Variants in IQSEC1 observed in about 807,000 individuals in gnomAD.
IQSEC1 encodes the protein IQ motif and SEC7 domain-containing protein 1.
In IQSEC1, 31 loss-of-function variants were observed where a neutral mutation model predicts 91.0. The observed-to-expected ratio is 0.34, with a 90% CI of 0.26 to 0.46. IQSEC1 has a LOEUF of 0.46. IQSEC1 is among the 20% of genes least tolerant of loss of function. IQSEC1 has a pLI of 1.00. For missense variants in IQSEC1, 1,388 were observed against 1,575.6 expected, an observed-to-expected ratio of 0.88 and a Z score of 2.02; for synonymous variants, 699 against 662.6, an observed-to-expected ratio of 1.05 and a Z score of -0.84.
In IQSEC1 at chr3:13,015,329, C is replaced by T. The variant is rs1160883538; in HGVS notation, c.23+57663G>A. Among the ~76,000 whole-genome samples the T allele has an allele frequency of 4.6e-5, 7 of 152,302 alleles. No individual in the cohort carries two copies. In the East Asian group the frequency reaches 1.4e-3, roughly 29 times the overall value. On this transcript the variant is annotated intron_variant, in intron 1 of 13. Coordinates refer to ENST00000613206, the MANE Select transcript of IQSEC1 (RefSeq NM_001134382.3). ...TGGGGCCTGGGGCTGGTCTAACGCGCAGGGGAGCTAAAGAACTTCCCCTTG... is the reference window on the plus strand; with the variant it reads ...TGGGGCCTGGGGCTGGTCTAACGCGTAGGGGAGCTAAAGAACTTCCCCTTG...
At chr3:13,274,516 G>A (rs1695643120) in intron 1 of IQSEC1, among the ~76,000 whole-genome samples, 1 of 152,260 alleles carries the variant, frequency 6.6e-6, no homozygotes, top group South Asian at 2.1e-4. Context: ...GCAGAGCAAA[G>A]GACAGCTAAA....
At chr3:13,235,919 G>C (rs767489818) in intron 1 of IQSEC1, among the ~76,000 whole-genome samples, 4 of 152,176 alleles carry the variant, frequency 2.6e-5, no homozygotes, top group African/African-American at 4.8e-5. Flanking sequence ...CGCTGCGGCA[G>C]ACAGATTGGG....
chr3:12,952,061 T>A (rs1043081771), intron 1 of IQSEC1, among the ~76,000 whole-genome samples: 1 of 152,072 alleles, frequency 6.6e-6, no homozygotes, highest in Admixed American at 6.5e-5. Flanking sequence ...AGGAGCACCA[T>A]ATCTAAAACG....
chr3:12,974,155 C>T (rs4684892), intron 1 of IQSEC1, among the ~76,000 whole-genome samples: 60,152 of 152,010 alleles, frequency 0.4, 12,803 homozygotes, highest in Non-Finnish European at 0.47. Context: ...AGCACGGGTA[C>T]AGGTGGCTCT....
At position 13,232,641 on chromosome 3, in the gene IQSEC1, C is replaced by T. The variant is rs143042745; in HGVS notation, c.272+50070G>A. Among the ~76,000 whole-genome samples, 173 of 151,968 alleles carry T rather than the reference C, an allele frequency of 1.1e-3. 1 individual carries two copies. The highest frequency in any genetic ancestry group is 1.9e-3 in the Non-Finnish European group (130 of 67,988). Reference sequence around the variant, plus strand: ...CACGAAAGTGAGCTGGAGTCAGGGGCGCAGGAGACAGAGCCACAGCCTCAT... The same window carrying T: ...CACGAAAGTGAGCTGGAGTCAGGGGTGCAGGAGACAGAGCCACAGCCTCAT... On this transcript the variant is annotated intron_variant, in intron 1 of 15. Coordinates refer to the IQSEC1 transcript ENST00000648114.
chr3:13,278,640 G>A (rs1440861846), intron 1 of IQSEC1, among the ~76,000 whole-genome samples: 1 of 152,194 alleles, frequency 6.6e-6, no homozygotes, highest in African/African-American at 2.4e-5. Context: ...CCAACATGGT[G>A]AAACCCCGTC....
chr3:12,932,561 C>T (rs375633898), intron 3 of IQSEC1, among the ~76,000 whole-genome samples: 3 of 152,170 alleles, frequency 2.0e-5, no homozygotes, highest in Admixed American at 2.0e-4. Flanking sequence ...GACTGCTTGG[C>T]CCATCACAAT....
rs116493367 is a variant in IQSEC1, at chr3:12,931,479, T to G, written c.1568+3969A>C. On this transcript the variant is annotated intron_variant, in intron 3 of 13. Transcript: ENST00000613206. ...TGGCTGTGGCGAATCAGTGAGACAA[T>G]AGGCGGAAGGTGTTCGGCATGGGGC... 3.5e-3 allele frequency among the ~76,000 whole-genome samples: 532 copies of G among 152,246 alleles called. 4 individuals carry two copies. The highest frequency in any genetic ancestry group is 0.012 in the African/African-American group (507 of 41,522).
rs76303766 is a variant in IQSEC1 at position 13,047,582 on chromosome 3, G to A, written c.23+25410C>T. On this transcript the variant is annotated intron_variant, in intron 1 of 13. Transcript: ENST00000613206. ...GTCCCACACACACAGCAAACCCCTTGGGGGCCATGTCCACTCAGGCCCCAG... is the reference window on the plus strand; with the variant it reads ...GTCCCACACACACAGCAAACCCCTTAGGGGCCATGTCCACTCAGGCCCCAG... 1.7e-3 allele frequency: 1,566 copies of A among 901,416 alleles called. 15 individuals are homozygous for A. In the African/African-American group the frequency reaches 0.024, roughly 14 times the overall value. 55.8% of individuals were successfully genotyped at this position (901,416 alleles called of 1,614,324 possible). A position where few individuals can be genotyped will look rare whatever the true frequency, so the allele number is the denominator to read the frequency against.
intron 2 of IQSEC1, among the ~76,000 whole-genome samples, chr3:13,087,034 T>C (rs780921911): frequency 2.6e-5 from 4 of 152,268 alleles, no homozygotes; most frequent in African/African-American, 9.6e-5. Context: ...CACTCCCTCA[T>C]TCACCCCCAG....
chr3:13,211,645 C>T lies in IQSEC1; in HGVS notation c.273-47512G>A, dbSNP rs1385130304. On this transcript the variant is annotated intron_variant, in intron 1 of 15. Coordinates refer to the IQSEC1 transcript ENST00000648114. This position sits in a 1 kb window ranked among gnomAD's most constrained non-coding sequence, Gnocchi z 5.3. ...AAAGTCTGATCCCCTCAGCCTATCC[C>T]TGAAGGCCAGGCCAGGACCCACGAA... 6.6e-6 allele frequency among the ~76,000 whole-genome samples: 1 copy of T among 152,192 alleles called. No homozygotes were observed.
chr3:13,135,920 G>C (rs1401627100), intron 2 of IQSEC1, among the ~76,000 whole-genome samples: 1 of 152,206 alleles, frequency 6.6e-6, no homozygotes, highest in Non-Finnish European at 1.5e-5. Context: ...TCGTGGACAT[G>C]AGAGGAGAAG....
intron 1 of IQSEC1, among the ~76,000 whole-genome samples, chr3:13,280,808 G>A (rs1351279678): frequency 6.6e-6 from 1 of 152,246 alleles, no homozygotes; most frequent in Non-Finnish European, 1.5e-5. Flanking sequence ...GCTGAGGACT[G>A]TGCTGCCACT....
intron 1 of IQSEC1, among the ~76,000 whole-genome samples, chr3:12,984,675 C>G (rs1267002622): frequency 2.0e-5 from 3 of 152,218 alleles, no homozygotes; most frequent in Non-Finnish European, 4.4e-5. Context: ...CACCCCTCAG[C>G]CCCCTAGGAG....
chr3:13,151,361 C>T (rs1459298287), intron 2 of IQSEC1, among the ~76,000 whole-genome samples: 1 of 152,168 alleles, frequency 6.6e-6, no homozygotes, highest in Admixed American at 6.5e-5. Flanking sequence ...GTGTGCTGGT[C>T]CCTGAGTGAT....
intron 3 of IQSEC1, among the ~76,000 whole-genome samples, chr3:12,926,554 C>T (rs1212219219): frequency 1.3e-5 from 2 of 152,214 alleles, no homozygotes; most frequent in African/African-American, 2.4e-5. Context: ...CATGAGGAGC[C>T]CAGTGTGGCT....
At position 13,101,433 on chromosome 3, in the gene IQSEC1, AT is replaced by A. The variant is rs1386766602; in HGVS notation, c.303-53912del. Among the ~76,000 whole-genome samples the A allele has an allele frequency of 2.6e-5, 4 of 151,528 alleles. No individual in the cohort carries two copies. The South Asian group carries it at 8.4e-4, about 32-fold the overall frequency. On this transcript the variant is annotated intron_variant, in intron 2 of 15. Transcript: ENST00000648114. ...GATTCCATCTCCAAAAAAAAAAAAA[AT>A]GCACCCTTCTACTGTTGAGAGGGCA...
chr3:13,104,475 ATGT>A (rs1469165579), intron 2 of IQSEC1, among the ~76,000 whole-genome samples: 1 of 152,138 alleles, frequency 6.6e-6, no homozygotes, highest in Non-Finnish European at 1.5e-5. Flanking sequence ...CACAGCCATG[ATGT>A]TGTTATTCTG....
rs952384887 is a variant in IQSEC1, at chr3:12,912,318, A to T, written c.2317-590T>A. 2.0e-5 allele frequency among the ~76,000 whole-genome samples: 3 copies of T among 152,230 alleles called. No homozygotes were observed. In the South Asian group the frequency reaches 6.2e-4, roughly 31 times the overall value. On this transcript the variant is annotated intron_variant, in intron 9 of 13. Coordinates refer to ENST00000613206, the MANE Select transcript of IQSEC1 (RefSeq NM_001134382.3). ...CTCACATCTCCCCGGTCTCCAGGGC[A>T]TGCCAGGCACCATGTAAGGTCTTAC...
Sources: allele counts gnomAD v4.1 joint callset (sites outside exome capture counted in the v4.1 genomes callset), GRCh38; gene constraint gnomAD v4.1.1; non-coding constraint Gnocchi (gnomAD v3.1); transcripts MANE v1.5; gene names NCBI Gene and HGNC (gene_info 2026-07-23, HGNC 2026-07-21).